GPHN: variants seen among roughly 807,000 people sequenced by gnomAD.
GPHN encodes gephyrin.
In GPHN, 17 loss-of-function variants were observed where a neutral mutation model predicts 95.5. That is an observed-to-expected ratio of 0.18 (90% CI 0.12 to 0.27). The LOEUF (loss-of-function observed/expected upper bound fraction) is 0.27, where lower values mean the gene tolerates loss of function less well. Ranked by LOEUF, GPHN falls within the 10% of genes least tolerant of loss-of-function variation. The pLI is 1.00. For synonymous variants in GPHN, 320 were observed against 322.5 expected (o/e 0.99, Z 0.08); for missense variants, 660 against 978.1 (o/e 0.67, Z 4.34).
At chr14:67,013,540 A>T (rs562046343) in intron 9 of GPHN, among the ~76,000 whole-genome samples, 1 of 152,222 alleles carries the variant, frequency 6.6e-6, no homozygotes, top group African/African-American at 2.4e-5. Context: ...ACATAGCTGT[A>T]ATACTAGGCA....
intron 2 of GPHN, among the ~76,000 whole-genome samples, chr14:66,710,798 T>C (rs959813685): frequency 6.6e-6 from 1 of 152,158 alleles, no homozygotes; most frequent in Non-Finnish European, 1.5e-5. Flanking sequence ...TCTGTAAACT[T>C]GGGAGAGTAA....
At chr14:66,987,061 AG>A (rs2071077685) in intron 9 of GPHN, among the ~76,000 whole-genome samples, 1 of 152,116 alleles carries the variant, frequency 6.6e-6, no homozygotes, top group South Asian at 2.1e-4. Context: ...GGATAAGAAG[AG>A]GGGATGGGAA....
At chr14:67,600,295 C>T in the GPHN span, 106 of 1,122,856 alleles carry the variant, frequency 9.4e-5, no homozygotes, top group African/African-American at 1.2e-3. Flanking sequence ...CTTCCGGCAG[C>T]CGCGTCACCA....
At chr14:67,052,173 A>G (rs959355188) in intron 10 of GPHN, among the ~76,000 whole-genome samples, 5 of 152,204 alleles carry the variant, frequency 3.3e-5, no homozygotes, top group African/African-American at 1.2e-4. Context: ...CAAGCTGGAT[A>G]AAGAGTCAAG....
chr14:66,909,684 A>G (rs573673839), intron 5 of GPHN, among the ~76,000 whole-genome samples: 1 of 152,178 alleles, frequency 6.6e-6, no homozygotes, highest in Non-Finnish European at 1.5e-5. Context: ...CAAAGCAAAT[A>G]TAGTTAATAA....
At chr14:66,951,296 A>G (rs1396808872) in intron 8 of GPHN, among the ~76,000 whole-genome samples, 1 of 152,028 alleles carries the variant, frequency 6.6e-6, no homozygotes, top group Non-Finnish European at 1.5e-5. Flanking sequence ...AGGCAGGCAG[A>G]TCACAAGGTC....
intron 10 of GPHN, among the ~76,000 whole-genome samples, chr14:67,037,793 TAGAAAATAACA>T (rs1352859170): frequency 1.4e-5 from 2 of 141,830 alleles, no homozygotes; most frequent in Non-Finnish European, 3.1e-5. Flanking sequence ...AAAAAAAAAA[TAGAAAATAACA>T]AGTATTGGTG....
chr14:67,593,949 T>C, the GPHN span: 1 of 1,607,838 alleles, frequency 6.2e-7, no homozygotes, highest in South Asian at 1.1e-5. Context: ...AGGATCATGC[T>C]GTTCTGAAGA....
rs142746248 is a variant in GPHN at position 67,176,188 on chromosome 14, A to G, written c.2080-3390A>G. The stretch of plus-strand genomic sequence containing the variant: ...AAGGGAATGCTTCCAGTTTTTGCCC[A>G]CTCAGTATGATATTGGCTGTGGGTT... On this transcript the variant is annotated intron_variant, in intron 21 of 22. Transcript: ENST00000478722. Among the ~76,000 whole-genome samples the G allele has an allele frequency of 2.1e-3, 318 of 152,174 alleles. 1 individual carries two copies. The highest frequency in any genetic ancestry group is 7.2e-3 in the African/African-American group (299 of 41,522).
chr14:67,336,955 G>T, the GPHN span, among the ~76,000 whole-genome samples: 1 of 152,170 alleles, frequency 6.6e-6, no homozygotes, highest in African/African-American at 2.4e-5. Context: ...GAAAAGTTAG[G>T]GTGTAAAAAT....
At chr14:66,603,419 C>G (rs1000281755) in intron 1 of GPHN, among the ~76,000 whole-genome samples, 17 of 151,826 alleles carry the variant, frequency 1.1e-4, no homozygotes, top group African/African-American at 4.1e-4. Context: ...ACTTTGTGAA[C>G]ATTTTCCTAT....
At chr14:66,749,494 T>G (rs1321652228) in intron 2 of GPHN, among the ~76,000 whole-genome samples, 1 of 152,008 alleles carries the variant, frequency 6.6e-6, no homozygotes, top group Non-Finnish European at 1.5e-5. Flanking sequence ...TTCACATTCT[T>G]GCCAGCCTTT....
At chr14:67,130,723 G>A (rs530841870) in intron 17 of GPHN, among the ~76,000 whole-genome samples, 34 of 152,110 alleles carry the variant, frequency 2.2e-4, no homozygotes, top group Non-Finnish European at 5.9e-5. Flanking sequence ...TCCCACCAAC[G>A]GTGTGTAAAT....
the GPHN span, among the ~76,000 whole-genome samples, chr14:67,607,512 G>A: frequency 1.3e-5 from 2 of 152,146 alleles, no homozygotes; most frequent in Non-Finnish European, 2.9e-5. Context: ...GACTACAGAC[G>A]CATGCCACCG....
chr14:67,366,882 C>T, the GPHN span, among the ~76,000 whole-genome samples: 2 of 151,980 alleles, frequency 1.3e-5, no homozygotes, highest in Admixed American at 6.6e-5. Context: ...GACCTAAGTA[C>T]ATGCTGAAGA....
chr14:67,692,245 A>AT, the GPHN span: 1 of 602,900 alleles, frequency 1.7e-6, no homozygotes, highest in Non-Finnish European at 2.9e-6. Context: ...TTTTGAATTC[A>AT]TTTTTTGTTT....
At chr14:67,061,901 C>A (rs2075838818) in intron 11 of GPHN, among the ~76,000 whole-genome samples, 1 of 152,112 alleles carries the variant, frequency 6.6e-6, no homozygotes, top group Admixed American at 6.5e-5. Context: ...TCTTTAAGAT[C>A]AAGCTTAAGA....
chr14:67,548,187 G>A, the GPHN span, among the ~76,000 whole-genome samples: 1 of 152,122 alleles, frequency 6.6e-6, no homozygotes, highest in Admixed American at 6.5e-5. Context: ...CACATAAATG[G>A]ATATTAAAAT....
intron 10 of GPHN, among the ~76,000 whole-genome samples, chr14:67,035,156 G>A (rs2074360654): frequency 6.6e-6 from 1 of 151,652 alleles, no homozygotes; most frequent in Non-Finnish European, 1.5e-5. Context: ...TGAACAACCA[G>A]TAGGTCAAAG....
Sources: allele counts gnomAD v4.1 joint callset (sites outside exome capture counted in the v4.1 genomes callset), GRCh38; gene constraint gnomAD v4.1.1; transcripts MANE v1.5; gene names NCBI Gene and HGNC (gene_info 2026-07-23, HGNC 2026-07-21).